TBCK: variants seen among roughly 807,000 people sequenced by gnomAD.
The protein encoded by TBCK is TBC domain-containing protein kinase-like protein.
A neutral mutation model predicts 113.4 loss-of-function variants in TBCK; 99 were observed. That is an observed-to-expected ratio of 0.87 (90% CI 0.74 to 1.03). The LOEUF (loss-of-function observed/expected upper bound fraction) is 1.03. TBCK is among the 50% of genes least tolerant of loss of function. The pLI is 0.00. For synonymous variants in TBCK, 369 were observed against 370.8 expected (o/e 1.00, Z 0.05); for missense variants, 1,045 against 1,061.3 (o/e 0.98, Z 0.21).
chr4:106,220,230 G>A (rs551918903), intron 19 of TBCK, among the ~76,000 whole-genome samples: 23 of 152,208 alleles, frequency 1.5e-4, no homozygotes, highest in African/African-American at 4.8e-4. Flanking sequence ...GCTCTTGCCC[G>A]TGCTATTCTC....
chr4:106,125,272 C>A (rs531569793), intron 23 of TBCK, among the ~76,000 whole-genome samples: 4 of 152,222 alleles, frequency 2.6e-5, no homozygotes, highest in African/African-American at 9.6e-5. Flanking sequence ...AATATGCACT[C>A]CCATGTTCAT....
At chr4:106,214,307 G>C in intron 19 of TBCK, among the ~76,000 whole-genome samples, 1 of 152,310 alleles carries the variant, frequency 6.6e-6, no homozygotes, top group African/African-American at 2.4e-5. Context: ...AAAAATCAGA[G>C]CGCCTCTCCT....
intron 19 of TBCK, chr4:106,213,812 G>C (rs935271039): frequency 3.2e-5 from 5 of 155,592 alleles, no homozygotes; most frequent in African/African-American, 1.2e-4. Flanking sequence ...CCATTGCCCA[G>C]GCTTGCTTAG....
At chr4:106,204,188 A>G (rs1755191229) in intron 20 of TBCK, among the ~76,000 whole-genome samples, 1 of 152,222 alleles carries the variant, frequency 6.6e-6, no homozygotes, top group Non-Finnish European at 1.5e-5. Flanking sequence ...ATTATGAGGT[A>G]GAATTTATTA....
intron 23 of TBCK, among the ~76,000 whole-genome samples, chr4:106,157,685 T>C (rs1294835135): frequency 2.6e-5 from 4 of 152,046 alleles, no homozygotes; most frequent in African/African-American, 9.7e-5. Context: ...AGGGGTGGTA[T>C]TGGTGATTCA....
intron 23 of TBCK, among the ~76,000 whole-genome samples, chr4:106,145,537 G>A (rs1747679956): frequency 6.6e-6 from 1 of 152,116 alleles, no homozygotes; most frequent in Admixed American, 6.6e-5. Context: ...AGTGAATATT[G>A]CAGTAAAATT....
intron 23 of TBCK, among the ~76,000 whole-genome samples, chr4:106,140,464 TA>T (rs572936160): frequency 2.2e-5 from 3 of 139,448 alleles, no homozygotes; most frequent in South Asian, 2.4e-4. Context: ...ATGCTACAAA[TA>T]AAAAAAACTA....
At chr4:106,251,492 T>C (rs1761421125) in intron 6 of TBCK, among the ~76,000 whole-genome samples, 1 of 151,988 alleles carries the variant, frequency 6.6e-6, no homozygotes, top group Admixed American at 6.6e-5. Context: ...TTCTCAATCT[T>C]ACATTACTGT....
intron 3 of TBCK, among the ~76,000 whole-genome samples, chr4:106,271,291 T>C (rs1763448250): frequency 1.3e-5 from 2 of 152,176 alleles, no homozygotes; most frequent in South Asian, 2.1e-4. Flanking sequence ...GAATACTGTG[T>C]AAAAATTGGA....
intron 19 of TBCK, among the ~76,000 whole-genome samples, chr4:106,216,290 C>A (rs1238509893): frequency 6.6e-6 from 1 of 151,398 alleles, no homozygotes; most frequent in South Asian, 2.1e-4. Context: ...GACACCCTAA[C>A]ATCACAATTA....
chr4:106,269,022 C>A (rs972660179), intron 3 of TBCK, among the ~76,000 whole-genome samples: 2 of 152,130 alleles, frequency 1.3e-5, no homozygotes, highest in African/African-American at 4.8e-5. Flanking sequence ...TTTCTGCATT[C>A]TATGAGTTCA....
intron 23 of TBCK, among the ~76,000 whole-genome samples, chr4:106,120,547 T>G (rs967422708): frequency 1.3e-4 from 20 of 152,292 alleles, no homozygotes; most frequent in African/African-American, 4.8e-4. Context: ...TAGTAACCTC[T>G]GCAGACTTAA....
At chr4:106,143,959 C>CA (rs1037990657) in intron 23 of TBCK, among the ~76,000 whole-genome samples, 10 of 151,218 alleles carry the variant, frequency 6.6e-5, no homozygotes, top group South Asian at 2.1e-4. Context: ...ATTACTCTTG[C>CA]ACCAACCTAA....
chr4:106,313,316 T>C (rs1768389867), intron 1 of TBCK, among the ~76,000 whole-genome samples: 1 of 151,150 alleles, frequency 6.6e-6, no homozygotes, highest in Non-Finnish European at 1.5e-5. Context: ...GGTGGGAGGA[T>C]CACGTGAGGT....
intron 25 of TBCK, among the ~76,000 whole-genome samples, chr4:106,075,579 G>T (rs1224774067): frequency 6.6e-6 from 1 of 152,062 alleles, no homozygotes; most frequent in African/African-American, 2.4e-5. Context: ...GCAATATAGT[G>T]TTCTATACAA....
chr4:106,122,439 C>G (rs1365617127), intron 23 of TBCK, among the ~76,000 whole-genome samples: 2 of 152,138 alleles, frequency 1.3e-5, no homozygotes, highest in African/African-American at 4.8e-5. Context: ...TGAATTCTAC[C>G]AGAGGTACAA....
At chr4:106,259,159 T>C (rs143432613) in intron 5 of TBCK, among the ~76,000 whole-genome samples, 10 of 152,034 alleles carry the variant, frequency 6.6e-5, no homozygotes, top group African/African-American at 9.6e-5. Context: ...TTATTATCTA[T>C]GTCTTAATAA....
chr4:106,232,840 C>A, intron 17 of TBCK, 98 bp downstream of exon 17: 1 of 1,216,734 alleles, frequency 8.2e-7, no homozygotes, highest in South Asian at 1.7e-5. Flanking sequence ...TGACTTTCCC[C>A]AAAGACAAGG....
At chr4:106,090,869 T>A (rs1740141816) in intron 25 of TBCK, among the ~76,000 whole-genome samples, 2 of 152,354 alleles carry the variant, frequency 1.3e-5, no homozygotes, top group Middle Eastern at 6.8e-3. Flanking sequence ...CATACAGCTA[T>A]CAGCATTTTG....
Sources: allele counts gnomAD v4.1 joint callset (sites outside exome capture counted in the v4.1 genomes callset), GRCh38; gene constraint gnomAD v4.1.1; transcripts MANE v1.5; gene names NCBI Gene and HGNC (gene_info 2026-07-23, HGNC 2026-07-21).